Variants in PRKDC observed in about 807,000 individuals in gnomAD.
PRKDC encodes the protein protein kinase, DNA-activated, catalytic subunit, also known as DNA-dependent protein kinase catalytic subunit.
Under a neutral mutation model 486.9 loss-of-function variants are expected in PRKDC, and 82 were observed. That is an observed-to-expected ratio of 0.17 (90% CI 0.14 to 0.20). PRKDC has a LOEUF of 0.20. Among genes scored for constraint, PRKDC ranks in the 10% least tolerant of loss-of-function variants. The pLI, the probability that PRKDC is intolerant of heterozygous loss-of-function variation, is 1.00. For synonymous variants in PRKDC, 1,895 were observed against 1,837.0 expected, an observed-to-expected ratio of 1.03 and a Z score of -0.81; for missense variants, 4,504 against 5,038.2, an observed-to-expected ratio of 0.89 and a Z score of 3.21.
rs1207848117 is a variant in PRKDC, at chr8:47,857,098, C to T, written c.6609+58G>A. 5.2e-6 allele frequency: 8 copies of T among 1,546,616 alleles called. No homozygotes were observed. The South Asian group carries it at 8.7e-5, about 17-fold the overall frequency. On this transcript the variant is annotated intron_variant, in intron 49 of 85. Transcript: ENST00000314191. ...AGGGACCTGAATTATGTGTCATAGG[C>T]TCTATAGGCTATTGGCAAAGGATAA...
chr8:47,808,296 C>T (rs2087256369), intron 68 of PRKDC, among the ~76,000 whole-genome samples: 1 of 152,094 alleles, frequency 6.6e-6, no homozygotes, highest in African/African-American at 2.4e-5. Context: ...CAGGTGCGTG[C>T]TACCGCATCA....
rs114473118 is a variant in PRKDC at position 47,880,426 on chromosome 8, C to T, written c.5068-768G>A. 7.8e-3 allele frequency among the ~76,000 whole-genome samples: 1,194 copies of T among 152,198 alleles called. 12 individuals carry two copies. Among genetic ancestry groups the T allele is most frequent in the African/African-American group, 0.027 (1,112 of 41,526 alleles). On this transcript the variant is annotated intron_variant, in intron 38 of 85. Coordinates refer to ENST00000314191, the MANE Select transcript of PRKDC (RefSeq NM_006904.7). ...TTCTCCCTCGCATGGCAGAAAATTC[C>T]AAGACTGTCTATGGAGAAATGGGAA...
At position 47,930,334 on chromosome 8, in the gene PRKDC, G is replaced by A. The variant is rs562808129; in HGVS notation, c.1893-322C>T. Among the ~76,000 whole-genome samples, 15 of 152,226 alleles carry A rather than the reference G, an allele frequency of 9.9e-5. No homozygotes were observed. The East Asian group carries it at 2.3e-3, about 24-fold the overall frequency. On this transcript the variant is annotated intron_variant, in intron 17 of 85. Transcript: ENST00000314191. ...GTTGCTCAGGCTGGAGTGCAGTGGC[G>A]CAGTCTCGGCTCACTGCAAGCTCCA...
rs541179835 is a variant in PRKDC at position 47,939,861 on chromosome 8, T to C, written c.967-164A>G. The C allele has an allele frequency of 1.1e-5, 6 of 535,840 alleles. No homozygotes were observed. The East Asian group carries it at 2.1e-4, about 18-fold the overall frequency. The allele number at this position is 535,840 out of a possible 1,614,324, so 33.2% of individuals were successfully genotyped here. The stretch of plus-strand genomic sequence containing the variant: ...CTTTGCTTCCATTTTGCTTAGTCTC[T>C]ATCAGGTTCAGAAAAGTGTCTTAAA... On this transcript the variant is annotated intron_variant, in intron 10 of 85. Coordinates refer to ENST00000314191, the MANE Select transcript of PRKDC (RefSeq NM_006904.7).
chr8:47,937,501 C>T (rs2154503860), intron 11 of PRKDC, among the ~76,000 whole-genome samples: 1 of 152,306 alleles, frequency 6.6e-6, no homozygotes, highest in South Asian at 2.1e-4. Flanking sequence ...GTCACACACC[C>T]TACCACACCA....
chr8:47,927,136 A>G (rs190997719), intron 21 of PRKDC, 58 bp downstream of exon 21: 2 of 1,525,068 alleles, frequency 1.3e-6, no homozygotes, highest in Admixed American at 1.8e-5. Context: ...CCTACCTATT[A>G]TAGTTACTCC....
intron 40 of PRKDC, among the ~76,000 whole-genome samples, chr8:47,872,871 A>G (rs1411493000): frequency 5.9e-5 from 9 of 152,180 alleles, no homozygotes; most frequent in African/African-American, 9.7e-5. Context: ...TCAGGATTGG[A>G]CAGATCTTCC....
intron 59 of PRKDC, 148 bp downstream of exon 59, chr8:47,834,048 G>A (rs934821026): frequency 1.1e-5 from 11 of 969,958 alleles, no homozygotes; most frequent in Middle Eastern, 2.8e-4. Flanking sequence ...TCAGCATGGT[G>A]AGTGCCTAGG....
intron 80 of PRKDC, 57 bp from the exon 81 acceptor site, chr8:47,779,150 C>A: frequency 2.4e-6 from 3 of 1,252,226 alleles, no homozygotes; most frequent in South Asian, 1.4e-5. Context: ...TATGTGATTT[C>A]AAAGGCAAAG....
intron 3 of PRKDC, 53 bp from the exon 4 acceptor site, chr8:47,956,001 G>C (rs1018888805): frequency 3.0e-6 from 4 of 1,312,322 alleles, no homozygotes; most frequent in African/African-American, 3.0e-5. Context: ...TAAAAACTAA[G>C]ACTCAGCAAT....
chr8:47,930,873 A>C, intron 16 of PRKDC, 86 bp from the exon 17 acceptor site: 1 of 1,268,560 alleles, frequency 7.9e-7, no homozygotes, highest in Non-Finnish European at 1.1e-6. Flanking sequence ...CTTCATGGTC[A>C]AGGCCTGATG....
At chr8:47,775,217 T>C (rs8178259) in intron 85 of PRKDC, among the ~76,000 whole-genome samples, 1 of 150,900 alleles carries the variant, frequency 6.6e-6, no homozygotes, top group African/African-American at 2.4e-5. Context: ...ATAAATAAAT[T>C]AATTAATTAA....
intron 24 of PRKDC, among the ~76,000 whole-genome samples, chr8:47,912,851 T>C (rs2089927650): frequency 6.6e-6 from 1 of 152,258 alleles, no homozygotes; most frequent in Non-Finnish European, 1.5e-5. Flanking sequence ...CTTTGCTTCA[T>C]CTGTTAGCAC....
intron 7 of PRKDC, among the ~76,000 whole-genome samples, chr8:47,949,144 ACCT>A (rs2090586484): frequency 6.6e-6 from 1 of 151,928 alleles, no homozygotes; most frequent in African/African-American, 2.4e-5. Context: ...CCTTCCTCTG[ACCT>A]CCTCTGTGCC....
In PRKDC at chr8:47,817,561, C is replaced by T. The variant is rs8178208; in HGVS notation, c.9446G>A (p.Gly3149Asp). 3.8e-3 allele frequency: 5,918 copies of T among 1,576,712 alleles called. 59 individuals are homozygous for T. Among genetic ancestry groups the T allele is most frequent in the South Asian group, 0.025 (2,170 of 87,508 alleles). Reference sequence around the variant, plus strand: ...AAGGGGAACTTGAGATGATAAATTGCCTAAAAATAGTATTAGAGGGTGACT... The same window carrying T: ...AAGGGGAACTTGAGATGATAAATTGTCTAAAAATAGTATTAGAGGGTGACT... ...QEFISFISKQGNLSSQVPLKR... is the reference protein window; with the variant it reads ...QEFISFISKQDNLSSQVPLKR... Residue 3149 changes from glycine to aspartate, a missense_variant and splice_region_variant, in exon 68 of 86, where the codon GGC becomes GAC. Physicochemically the swap from Gly to Asp is moderately conservative, Grantham distance 94 (BLOSUM62 -1). Transcript: ENST00000314191.
At chr8:47,783,504 C>T (rs1292013381) in intron 78 of PRKDC, among the ~76,000 whole-genome samples, 5 of 151,638 alleles carry the variant, frequency 3.3e-5, no homozygotes, top group African/African-American at 1.2e-4. Context: ...GCAGGAGAAT[C>T]GTTTGAACCC....
chr8:47,807,068 T>C, intron 69 of PRKDC, 69 bp downstream of exon 69: 1 of 1,468,760 alleles, frequency 6.8e-7, no homozygotes, highest in African/African-American at 1.4e-5. Flanking sequence ...AAAGAAAAGC[T>C]AAAATTAGAG....
chr8:47,910,144 T>G (rs2089870082), intron 25 of PRKDC, among the ~76,000 whole-genome samples: 1 of 152,140 alleles, frequency 6.6e-6, no homozygotes, highest in Non-Finnish European at 1.5e-5. Context: ...CGGCCGACAC[T>G]TAGGGAAAAT....
chr8:47,791,441 C>T (rs1563736011), intron 74 of PRKDC, among the ~76,000 whole-genome samples: 1 of 152,142 alleles, frequency 6.6e-6, no homozygotes, highest in Non-Finnish European at 1.5e-5. Flanking sequence ...CGCCACTGCA[C>T]TCTACCCTGG....
Sources: allele counts gnomAD v4.1 joint callset (sites outside exome capture counted in the v4.1 genomes callset), GRCh38; gene constraint gnomAD v4.1.1; transcripts MANE v1.5; gene names NCBI Gene and HGNC (gene_info 2026-07-23, HGNC 2026-07-21).